Variants in NUP133 observed in about 807,000 individuals in gnomAD.
NUP133 encodes nuclear pore complex protein Nup133.
In NUP133, 66 loss-of-function variants were observed where a neutral mutation model predicts 146.2. That is an observed-to-expected ratio of 0.45 (90% CI 0.37 to 0.55). NUP133 has a LOEUF of 0.55. NUP133 is among the 20% of genes least tolerant of loss of function. The probability of loss-of-function intolerance (pLI) is 0.00; values close to 1 mark genes in which losing one functional copy is unlikely to be tolerated. For missense variants in NUP133, 1,277 were observed against 1,374.8 expected (o/e 0.93, Z 1.12); for synonymous variants, 521 against 498.8 (o/e 1.04, Z -0.59).
At chr1:229,501,046 T>G (rs1379983172) in intron 3 of NUP133, among the ~76,000 whole-genome samples, 183 bp from the exon 4 acceptor site, 3 of 152,224 alleles carry the variant, frequency 2.0e-5, no homozygotes, top group Admixed American at 2.0e-4. Context: ...ACAAAGTATC[T>G]TAAGAGTATT....
In NUP133 at chr1:229,446,647, T is replaced by C. The variant is rs1034595991; in HGVS notation, c.3246-1645A>G. Among the ~76,000 whole-genome samples the C allele has an allele frequency of 2.6e-5, 4 of 151,598 alleles. No individual in the cohort carries two copies. The South Asian group carries it at 6.3e-4, about 24-fold the overall frequency. ...TAATCGGGAGGCTGAGGCGGGAGAATGGCATGAACCCGAGAGGTGGAGCTT... is the reference window on the plus strand; with the variant it reads ...TAATCGGGAGGCTGAGGCGGGAGAACGGCATGAACCCGAGAGGTGGAGCTT... On this transcript the variant is annotated intron_variant, in intron 24 of 25. Coordinates refer to ENST00000261396, the MANE Select transcript of NUP133 (RefSeq NM_018230.3).
chr1:229,499,350 G>A (rs1661740396), intron 5 of NUP133: 2 of 449,932 alleles, frequency 4.4e-6, no homozygotes, highest in South Asian at 3.4e-5. Context: ...AGTCCTGTGA[G>A]AAGAGCCTCC....
chr1:229,465,014 A>G, intron 17 of NUP133, 139 bp from the exon 18 acceptor site: 1 of 984,332 alleles, frequency 1.0e-6, no homozygotes, highest in Admixed American at 2.4e-5. Flanking sequence ...ATACCTGTCA[A>G]TGCCCTGCTT....
chr1:229,506,101 A>G lies in NUP133; in HGVS notation c.240T>C (p.Asp80=), dbSNP rs1283893203. The G allele has an allele frequency of 1.9e-6, 3 of 1,613,636 alleles. No individual in the cohort carries two copies. Among genetic ancestry groups the G allele is most frequent in the East Asian group, 4.5e-5 (2 of 44,864 alleles). ...GAAGAGAAGATCCAAACGTTTTCAC[A>G]TCATAGTTCACAGACTCAGTTATGG... ...HHSITESVNY[D]VKTFGSSLPV... is the part of the protein sequence containing the mutation. Residue 80 remains aspartate, a synonymous_variant, in exon 2 of 26, where the codon GAT becomes GAC. Transcript: ENST00000261396.
chr1:229,466,021 AAAT>A (rs1051104356), intron 16 of NUP133, among the ~76,000 whole-genome samples: 27 of 152,186 alleles, frequency 1.8e-4, no homozygotes, highest in African/African-American at 6.5e-4. Flanking sequence ...CAGTTTTGGC[AAAT>A]AATAGTAGGA....
At chr1:229,502,228 T>C in intron 2 of NUP133, 126 bp from the exon 3 acceptor site, 1 of 636,214 alleles carries the variant, frequency 1.6e-6, no homozygotes, top group Non-Finnish European at 2.7e-6. Flanking sequence ...TTTTGAATAT[T>C]CCAAAATTAT....
Position 229,475,559 on chromosome 1 carries a change from A to T in NUP133, c.1851+79T>A, listed in dbSNP as rs955995951. 72 of 1,044,788 alleles carry T rather than the reference A, an allele frequency of 6.9e-5. 1 individual carries two copies. The highest frequency in any genetic ancestry group is 1.0e-4 in the Non-Finnish European group (70 of 683,038). The allele number at this position is 1,044,788 out of a possible 1,614,324, so 64.7% of individuals were successfully genotyped here. On this transcript the variant is annotated intron_variant, in intron 14 of 25. Coordinates refer to ENST00000261396, the MANE Select transcript of NUP133 (RefSeq NM_018230.3). ...TGCCCCACCCAATGAAACACCTCAA[A>T]ATAGAGAGAAGAGACTTCCCACTGT... is the stretch of plus-strand genomic sequence containing the variant.
intron 20 of NUP133, among the ~76,000 whole-genome samples, chr1:229,459,971 C>A (rs930233703): frequency 6.6e-6 from 1 of 152,142 alleles, no homozygotes; most frequent in Non-Finnish European, 1.5e-5. Context: ...TAACTTACAT[C>A]CCCACCAAGA....
Position 229,502,427 on chromosome 1 carries a change from C to T in NUP133, c.302-325G>A, listed in dbSNP as rs529991668. ...ACAAAAAATTAGCTGAGTGTGGTGG[C>T]ACGTGCCTGTAGTCCCAGCTACTTG... On this transcript the variant is annotated intron_variant, in intron 2 of 25. Coordinates refer to ENST00000261396, the MANE Select transcript of NUP133 (RefSeq NM_018230.3). Among the ~76,000 whole-genome samples the T allele has an allele frequency of 2.6e-5, 4 of 151,780 alleles. No homozygotes were observed. In the South Asian group the frequency reaches 8.3e-4, roughly 32 times the overall value.
At chr1:229,482,698 G>A (rs747974433) in intron 12 of NUP133, among the ~76,000 whole-genome samples, 7 of 152,076 alleles carry the variant, frequency 4.6e-5, no homozygotes, top group Non-Finnish European at 7.4e-5. Flanking sequence ...CCCCATACGC[G>A]CATCTGCTTA....
chr1:229,458,964 T>C (rs1382485701), intron 20 of NUP133, among the ~76,000 whole-genome samples: 1 of 152,030 alleles, frequency 6.6e-6, no homozygotes, highest in African/African-American at 2.4e-5. Flanking sequence ...AAAATAGGAG[T>C]ACACATTCTA....
intron 6 of NUP133, among the ~76,000 whole-genome samples, chr1:229,496,640 T>C (rs1179146742): frequency 3.3e-5 from 5 of 152,194 alleles, no homozygotes; most frequent in East Asian, 3.9e-4. Context: ...TCCTGTTACA[T>C]TGGAATGTAG....
intron 12 of NUP133, among the ~76,000 whole-genome samples, chr1:229,479,695 C>A (rs535073437): frequency 4.9e-4 from 74 of 152,222 alleles, no homozygotes; most frequent in African/African-American, 1.7e-3. Context: ...ACTCAAGTGC[C>A]TATGAAATAT....
intron 13 of NUP133, among the ~76,000 whole-genome samples, chr1:229,476,969 G>C (rs752789213): frequency 1.8e-4 from 28 of 151,492 alleles, no homozygotes; most frequent in Non-Finnish European, 3.1e-4. Context: ...TTGGGGGGCA[G>C]GTAAGTGCCA....
chr1:229,458,300 C>T lies in NUP133; in HGVS notation c.2845-4G>A. ...AACCCAGAAGTGTTGCATGAGCCTACAATAAAATATGCAAACCATCGTAAG... is the reference window on the plus strand; with the variant it reads ...AACCCAGAAGTGTTGCATGAGCCTATAATAAAATATGCAAACCATCGTAAG... On this transcript the variant is annotated splice_region_variant and splice_polypyrimidine_tract_variant and intron_variant, in intron 20 of 25. Coordinates refer to ENST00000261396, the MANE Select transcript of NUP133 (RefSeq NM_018230.3). 1 of 1,609,288 alleles carries T rather than the reference C, an allele frequency of 6.2e-7. No individual in the cohort carries two copies. Among genetic ancestry groups the T allele is most frequent in the East Asian group, 2.2e-5 (1 of 44,680 alleles).
rs1003299101 is a variant in NUP133, at chr1:229,470,128, G to A, written c.2076+452C>T. On this transcript the variant is annotated intron_variant, in intron 15 of 25. Transcript: ENST00000261396. ...TCCCAGCACTTTGGGAGGCTGAGGC[G>A]AGTGGATCACCTGAGGTCAGGAGTT... 3.9e-5 allele frequency among the ~76,000 whole-genome samples: 6 copies of A among 152,018 alleles called. No individual in the cohort carries two copies. In the South Asian group the frequency reaches 6.3e-4, roughly 16 times the overall value.
chr1:229,457,641 CT>C (rs1327511891), intron 21 of NUP133, among the ~76,000 whole-genome samples: 1 of 151,672 alleles, frequency 6.6e-6, no homozygotes, highest in African/African-American at 2.4e-5. Flanking sequence ...TTTGTTAATT[CT>C]CTTGTTGTAA....
At chr1:229,477,439 C>CAA (rs545949314) in intron 13 of NUP133, among the ~76,000 whole-genome samples, 158 bp downstream of exon 13, 34 of 73,222 alleles carry the variant, frequency 4.6e-4, no homozygotes, top group African/African-American at 9.8e-4. Context: ...TGCTCTGTCT[C>CAA]AAAAAAAAAA....
At chr1:229,479,071 CAGAGAG>C (rs150349081) in intron 12 of NUP133, among the ~76,000 whole-genome samples, 1 of 150,432 alleles carries the variant, frequency 6.6e-6, no homozygotes, top group Non-Finnish European at 1.5e-5. Flanking sequence ...ATGACAGAGA[CAGAGAG>C]AGAGAGAGAG....
Sources: allele counts gnomAD v4.1 joint callset (sites outside exome capture counted in the v4.1 genomes callset), GRCh38; gene constraint gnomAD v4.1.1; transcripts MANE v1.5; gene names NCBI Gene and HGNC (gene_info 2026-07-23, HGNC 2026-07-21).